PLA2G6: variants seen among roughly 807,000 people sequenced by gnomAD.
PLA2G6 encodes the protein phospholipase A2 group VI.
In PLA2G6, 62 loss-of-function variants were observed where a neutral mutation model predicts 83.8. That is an observed-to-expected ratio of 0.74 (90% CI 0.60 to 0.91). The LOEUF is 0.91. PLA2G6 is among the 40% of genes least tolerant of loss of function. PLA2G6 has a pLI of 0.00. For synonymous variants in PLA2G6, 417 were observed against 449.8 expected (o/e 0.93, Z 0.92); for missense variants, 944 against 1,102.0 (o/e 0.86, Z 2.03).
At position 38,132,477 on chromosome 22, in the gene PLA2G6, A is replaced by G; in HGVS notation, c.1077+354T>C. 1 of 408,842 alleles carries G rather than the reference A, an allele frequency of 2.4e-6. No homozygotes were observed. The highest frequency in any genetic ancestry group is 4.5e-6 in the Non-Finnish European group (1 of 220,210). 25.3% of individuals were successfully genotyped at this position (408,842 alleles called of 1,614,324 possible). On this transcript the variant is annotated intron_variant, in intron 7 of 16. Transcript: ENST00000332509. The surrounding 1 kb of genome is among the most constrained non-coding windows in gnomAD (Gnocchi z 5.0). ...CCACAACTCTTCCAGATAAGTATTG[A>G]CACCACCATTTTCCAGATGAGGAAA...
At chr22:38,131,742 T>A (rs2088224120) in intron 7 of PLA2G6, 1 of 167,606 alleles carries the variant, frequency 6.0e-6, no homozygotes, top group Non-Finnish European at 1.3e-5. Flanking sequence ...TCTCTCATGT[T>A]CTGTCACTGA....
chr22:38,153,884 G>T (rs751692668), intron 2 of PLA2G6, among the ~76,000 whole-genome samples: 2 of 152,202 alleles, frequency 1.3e-5, no homozygotes, highest in Non-Finnish European at 2.9e-5. Context: ...CCTAAAGGGA[G>T]AGTCCCAGGC....
chr22:38,151,945 A>G (rs1205119993), intron 2 of PLA2G6, among the ~76,000 whole-genome samples: 1 of 152,232 alleles, frequency 6.6e-6, no homozygotes, highest in Non-Finnish European at 1.5e-5. Flanking sequence ...CCTGTGCTCT[A>G]CAAGGAGACC....
intron 2 of PLA2G6, 116 bp from the exon 3 acceptor site, chr22:38,145,769 C>A (rs1316277756): frequency 3.5e-5 from 23 of 649,120 alleles, no homozygotes; most frequent in Non-Finnish European, 5.8e-5. Context: ...TCCAGCCCGA[C>A]TCCCCTCCCA....
intron 10 of PLA2G6, among the ~76,000 whole-genome samples, chr22:38,124,475 G>A (rs1436351675): frequency 2.0e-5 from 3 of 152,100 alleles, no homozygotes; most frequent in African/African-American, 4.8e-5. Flanking sequence ...TGCCCTGGGG[G>A]AATGCCTTTG....
chr22:38,119,263 A>G (rs1182339048), intron 12 of PLA2G6, among the ~76,000 whole-genome samples: 1 of 152,144 alleles, frequency 6.6e-6, no homozygotes, highest in Non-Finnish European at 1.5e-5. Flanking sequence ...AACCAGTGGA[A>G]CAAAACACAG....
intron 2 of PLA2G6, among the ~76,000 whole-genome samples, chr22:38,153,101 G>A (rs889968317): frequency 1.3e-5 from 2 of 152,184 alleles, no homozygotes; most frequent in African/African-American, 2.4e-5. Flanking sequence ...TTACATGGGG[G>A]TGTTCTGTTA....
At chr22:38,159,020 G>A (rs1349573626) in intron 2 of PLA2G6, among the ~76,000 whole-genome samples, 2 of 146,222 alleles carry the variant, frequency 1.4e-5, no homozygotes, top group African/African-American at 5.1e-5. Context: ...CCAATATGGT[G>A]AAACCCCACC....
At chr22:38,158,027 C>A (rs1393417354) in intron 2 of PLA2G6, among the ~76,000 whole-genome samples, 1 of 151,756 alleles carries the variant, frequency 6.6e-6, no homozygotes, top group Non-Finnish European at 1.5e-5. Context: ...CAGAGCGACA[C>A]CCCATCTCAA....
At chr22:38,148,284 G>T in intron 2 of PLA2G6, 1 of 519,184 alleles carries the variant, frequency 1.9e-6, no homozygotes, top group Non-Finnish European at 3.4e-6. Flanking sequence ...AGCAAATAAA[G>T]GAAAGGATAG....
rs368481247 is a variant in PLA2G6 at position 38,148,425 on chromosome 22, G to C, written c.210-2772C>G. On this transcript the variant is annotated intron_variant, in intron 2 of 16. Transcript: ENST00000332509. ...CCACCTACTGAGGACAGCCAGAAAT[G>C]CTGGACAAATTATTAAAAAACATCT... 2.2e-3 allele frequency: 1,542 copies of C among 703,918 alleles called. 41 individuals carry two copies. The South Asian group carries it at 0.023, about 10-fold the overall frequency. 43.6% of individuals were successfully genotyped at this position (703,918 alleles called of 1,614,324 possible). A position where few individuals can be genotyped will look rare whatever the true frequency, so the allele number is the denominator to read the frequency against.
intron 11 of PLA2G6, among the ~76,000 whole-genome samples, chr22:38,122,572 C>G (rs577025780): frequency 3.9e-5 from 6 of 152,180 alleles, no homozygotes; most frequent in African/African-American, 1.4e-4. Context: ...TCCAGCCCAG[C>G]GACCCCATGG....
intron 2 of PLA2G6, among the ~76,000 whole-genome samples, chr22:38,161,267 A>T (rs558325014): frequency 6.6e-6 from 1 of 152,294 alleles, no homozygotes; most frequent in East Asian, 1.9e-4. Flanking sequence ...GTCTATGATC[A>T]AGGTGCTGGC....
At chr22:38,129,075 C>A (rs780640369) in intron 8 of PLA2G6, among the ~76,000 whole-genome samples, 1 of 152,238 alleles carries the variant, frequency 6.6e-6, no homozygotes, top group African/African-American at 2.4e-5. Context: ...GCCCAGAGCT[C>A]GTGCAGTGTA....
chr22:38,133,094 T>C, intron 6 of PLA2G6, 81 bp from the exon 7 acceptor site: 11 of 1,326,274 alleles, frequency 8.3e-6, no homozygotes, highest in African/African-American at 1.5e-5. Context: ...CTGCCACTTC[T>C]GCTCTGAGAG....
intron 2 of PLA2G6, among the ~76,000 whole-genome samples, chr22:38,160,206 G>T (rs1016336315): frequency 6.6e-6 from 1 of 152,250 alleles, no homozygotes; most frequent in Middle Eastern, 3.4e-3. Flanking sequence ...ACACCCGACA[G>T]AATGACTAAA....
At position 38,123,281 on chromosome 22, in the gene PLA2G6, A is replaced by G. The variant is rs1602097482; in HGVS notation, c.1428-23T>C. ...TGGCTGCAGTGGGAACAGCAGTGGG[A>G]GAGAGGAGGGTCCTGCCACAGCCCA... On this transcript the variant is annotated intron_variant, in intron 10 of 16. Transcript: ENST00000332509. This position sits in a 1 kb window ranked among gnomAD's most constrained non-coding sequence, Gnocchi z 4.1. 6.4e-7 allele frequency: 1 copy of G among 1,554,476 alleles called. No homozygotes were observed. Among genetic ancestry groups the G allele is most frequent in the African/African-American group, 1.4e-5 (1 of 73,430 alleles).
rs762148933 is a variant in PLA2G6 at position 38,126,360 on chromosome 22, G to A, written c.1427+11C>T. The stretch of plus-strand genomic sequence containing the variant: ...CGTTCCCCGCTCTGCCCCCGATCTC[G>A]ATCCACTTACGTCCGCTTCTCGTCC... On this transcript the variant is annotated intron_variant, in intron 10 of 16. Transcript: ENST00000332509. The A allele has an allele frequency of 5.6e-6, 9 of 1,608,222 alleles. No individual in the cohort carries two copies. Among genetic ancestry groups the A allele is most frequent in the Admixed American group, 3.3e-5 (2 of 59,998 alleles).
chr22:38,130,164 C>A lies in PLA2G6; in HGVS notation c.1078-602G>T, dbSNP rs150242225. On this transcript the variant is annotated intron_variant, in intron 7 of 16. Coordinates refer to ENST00000332509, the MANE Select transcript of PLA2G6 (RefSeq NM_003560.4). ...TGTGGGCTCTGGCCTTGTCACCTTCCTCTTCTTGGGACCCGATTTCCCTGC... is the reference window on the plus strand; with the variant it reads ...TGTGGGCTCTGGCCTTGTCACCTTCATCTTCTTGGGACCCGATTTCCCTGC... 2.2e-5 allele frequency: 4 copies of A among 184,720 alleles called. No individual in the cohort carries two copies. In the East Asian group the frequency reaches 5.0e-4, roughly 23 times the overall value. The allele number at this position is 184,720 out of a possible 1,614,324, so 11.4% of individuals were successfully genotyped here.
Sources: gnomAD v4.1 joint callset for allele counts (sites outside exome capture counted in the v4.1 genomes callset) on GRCh38, gnomAD v4.1.1 for gene constraint, Gnocchi (gnomAD v3.1) non-coding constraint, MANE v1.5 for transcripts, NCBI Gene and HGNC (gene_info 2026-07-23, HGNC 2026-07-21) for gene names.